Variants in AMBRA1 observed in about 807,000 individuals in gnomAD.
AMBRA1 encodes the protein activating molecule in BECN1-regulated autophagy protein 1.
AMBRA1 carries 47 observed loss-of-function variants against 125.4 expected under a neutral mutation model. The ratio of observed to expected loss-of-function variants is 0.37; its 90% CI spans 0.30 to 0.48. The LOEUF is 0.48. Among genes scored for constraint, AMBRA1 ranks in the 20% least tolerant of loss-of-function variants. The probability of loss-of-function intolerance (pLI) is 0.99; values close to 1 mark genes in which losing one functional copy is unlikely to be tolerated. For missense variants in AMBRA1, 1,331 were observed against 1,693.4 expected (o/e 0.79, Z 3.76); for synonymous variants, 626 against 655.5 (o/e 0.95, Z 0.69).
intron 5 of AMBRA1, among the ~76,000 whole-genome samples, chr11:46,544,966 A>T (rs1345790110): frequency 6.6e-6 from 1 of 151,904 alleles, no homozygotes; most frequent in African/African-American, 2.4e-5. Context: ...TCTCTACGAA[A>T]AAATTTAAAA....
chr11:46,542,765 C>G lies in AMBRA1; in HGVS notation c.1252G>C (p.Glu418Gln), dbSNP rs778644871. ...AGACTGAGTACTGTCCGGGTCCACT[C>G]AGATCCTGTCAACCCAGGAGCTATT... Reference protein sequence around the residue: ...REIAPGLTGSEWTRTVLSLNS... With the variant: ...REIAPGLTGSQWTRTVLSLNS... The change falls in exon 7 of 18, where the codon GAG (glutamate) becomes CAG (glutamine). Residue 418 changes from glutamate to glutamine, a missense_variant. Glu to Gln is a conservative substitution (Grantham distance 29). Coordinates refer to ENST00000683756, the MANE Select transcript of AMBRA1 (RefSeq NM_001387011.1). The surrounding 1 kb of genome is among the most constrained non-coding windows in gnomAD (Gnocchi z 5.9). The G allele has an allele frequency of 3.7e-6, 6 of 1,613,892 alleles. No individual in the cohort carries two copies. Among genetic ancestry groups the G allele is most frequent in the Non-Finnish European group, 5.1e-6 (6 of 1,180,012 alleles).
chr11:46,407,165 C>G (rs1410821769), intron 17 of AMBRA1, among the ~76,000 whole-genome samples: 1 of 152,178 alleles, frequency 6.6e-6, no homozygotes, highest in African/African-American at 2.4e-5. Context: ...GATCATGCCA[C>G]TGCACTCCAG....
Position 46,418,124 on chromosome 11 carries a change from C to G in AMBRA1, c.2977-72G>C, listed in dbSNP as rs1946633402. On this transcript the variant is annotated intron_variant, in intron 14 of 17. Transcript: ENST00000683756. ...ATTTGTTACCAAGAATAACAAAATC[C>G]AGGGAGAAACAAATTAGAAGGAGGA... is the stretch of plus-strand genomic sequence containing the variant. 2.1e-6 allele frequency: 3 copies of G among 1,405,890 alleles called. No homozygotes were observed. The South Asian group carries it at 4.8e-5, about 23-fold the overall frequency. 87.1% of individuals were successfully genotyped at this position (1,405,890 alleles called of 1,614,324 possible). A position where few individuals can be genotyped will look rare whatever the true frequency, so the allele number is the denominator to read the frequency against.
intron 1 of AMBRA1, among the ~76,000 whole-genome samples, chr11:46,549,884 T>G (rs1308204976): frequency 6.6e-6 from 1 of 152,144 alleles, no homozygotes; most frequent in African/African-American, 2.4e-5. Context: ...AACAGCGCAA[T>G]CTCGGCTCAC....
chr11:46,434,690 C>T (rs1175759365), intron 13 of AMBRA1, among the ~76,000 whole-genome samples, 159 bp downstream of exon 13: 1 of 152,174 alleles, frequency 6.6e-6, no homozygotes, highest in African/African-American at 2.4e-5. Context: ...ATGTTACTAG[C>T]CAGCACTCCT....
At chr11:46,457,117 C>T (rs756102364) in intron 11 of AMBRA1, among the ~76,000 whole-genome samples, 8 of 152,244 alleles carry the variant, frequency 5.3e-5, no homozygotes, top group Non-Finnish European at 8.8e-5. Flanking sequence ...TACAGCATTA[C>T]AGCTGAGTCA....
At chr11:46,456,928 A>G (rs991664785) in intron 11 of AMBRA1, among the ~76,000 whole-genome samples, 1 of 152,120 alleles carries the variant, frequency 6.6e-6, no homozygotes, top group Non-Finnish European at 1.5e-5. Flanking sequence ...CACTCAGCAC[A>G]TGACAAGAGA....
At position 46,410,282 on chromosome 11, in the gene AMBRA1, C is replaced by T. The variant is rs746864991; in HGVS notation, c.3203G>A (p.Arg1068Gln). The T allele has an allele frequency of 1.2e-5, 19 of 1,613,690 alleles. No homozygotes were observed. Among genetic ancestry groups the T allele is most frequent in the Admixed American group, 1.7e-5 (1 of 60,028 alleles). ...TVHSNSRSSE[R>Q]PGTSRATWRT... Reference sequence around the variant, plus strand: ...GCCTACTTCCCAAACATACCCAGGCCGCTCGCTGCTCCTGCTGTTGGAATG... The same window carrying T: ...GCCTACTTCCCAAACATACCCAGGCTGCTCGCTGCTCCTGCTGTTGGAATG... The change falls in exon 16 of 18, where the codon CGG becomes CAG. Residue 1068 changes from arginine (R) to glutamine (Q), a missense_variant. By Grantham distance (43) the Arg-to-Gln change is conservative (BLOSUM62 1). This residue lies in a region of AMBRA1 where 354 missense variants were observed against 532.7 expected (regional missense o/e 0.66). Coordinates refer to ENST00000683756, the MANE Select transcript of AMBRA1 (RefSeq NM_001387011.1).
chr11:46,570,117 C>G (rs2043702318), intron 1 of AMBRA1, among the ~76,000 whole-genome samples: 1 of 151,898 alleles, frequency 6.6e-6, no homozygotes, highest in East Asian at 1.9e-4. Flanking sequence ...AAAAAAATAG[C>G]TGGGCATGGT....
At chr11:46,527,204 C>G (rs61882743) in intron 7 of AMBRA1, among the ~76,000 whole-genome samples, 49,985 of 151,832 alleles carry the variant, frequency 0.33, 13,871 homozygotes, top group African/African-American at 0.76. Context: ...AGGAGGCCAG[C>G]AGCAGTTGCT....
At chr11:46,507,586 G>A (rs1056522935) in intron 9 of AMBRA1, among the ~76,000 whole-genome samples, 1 of 151,754 alleles carries the variant, frequency 6.6e-6, no homozygotes, top group Non-Finnish European at 1.5e-5. Context: ...ACTCAAAAAA[G>A]CCCAAAGAAG....
intron 14 of AMBRA1, among the ~76,000 whole-genome samples, chr11:46,427,846 T>C (rs1302218756): frequency 4.0e-5 from 6 of 151,668 alleles, no homozygotes; most frequent in African/African-American, 1.5e-4. Context: ...CTGTCTCTAC[T>C]AAAAATACAA....
chr11:46,584,268 C>T (rs1005751089), intron 1 of AMBRA1, among the ~76,000 whole-genome samples: 5 of 147,940 alleles, frequency 3.4e-5, no homozygotes, highest in African/African-American at 1.3e-4. Context: ...TAAACTATCA[C>T]AAGGACAAAA....
chr11:46,558,034 A>T (rs2043210224), intron 1 of AMBRA1, among the ~76,000 whole-genome samples: 1 of 152,144 alleles, frequency 6.6e-6, no homozygotes. Flanking sequence ...TCAAGATACC[A>T]AGCAAATGAG....
rs577993652 is a variant in AMBRA1 at position 46,502,992 on chromosome 11, C to T, written c.2339+5199G>A. Among the ~76,000 whole-genome samples the T allele has an allele frequency of 3.2e-3, 419 of 129,582 alleles. 2 individuals carry two copies. The highest frequency in any genetic ancestry group is 0.011 in the African/African-American group (387 of 34,308). The allele number at this position is 129,582 out of a possible 152,430, so 85.0% of individuals were successfully genotyped here. A position where few individuals can be genotyped will look rare whatever the true frequency, so the allele number is the denominator to read the frequency against. Reference sequence around the variant, plus strand: ...AGGAGAATGGCATGAACCTGGGAGGCGGAGCATGCAGTGAGCCGAGATTGT... The same window carrying T: ...AGGAGAATGGCATGAACCTGGGAGGTGGAGCATGCAGTGAGCCGAGATTGT... On this transcript the variant is annotated intron_variant, in intron 9 of 17. Coordinates refer to ENST00000683756, the MANE Select transcript of AMBRA1 (RefSeq NM_001387011.1).
chr11:46,463,681 A>T (rs1949197657), intron 11 of AMBRA1, among the ~76,000 whole-genome samples: 1 of 152,210 alleles, frequency 6.6e-6, no homozygotes, highest in Non-Finnish European at 1.5e-5. Context: ...ATTCCTAAAA[A>T]TCTTTTGTCT....
chr11:46,520,315 G>T (rs886417266), intron 7 of AMBRA1, among the ~76,000 whole-genome samples: 10 of 152,062 alleles, frequency 6.6e-5, no homozygotes, highest in African/African-American at 2.4e-4. Context: ...GGAGCCTCTA[G>T]CAAACACTGT....
chr11:46,434,111 G>A (rs1342067773), intron 13 of AMBRA1, among the ~76,000 whole-genome samples: 36 of 90,610 alleles, frequency 4.0e-4, no homozygotes, highest in African/African-American at 1.5e-3. Flanking sequence ...GTGAAACTCC[G>A]TCTCAAAAAA....
chr11:46,430,274 GT>G (rs1947388983), intron 14 of AMBRA1, among the ~76,000 whole-genome samples: 1 of 152,196 alleles, frequency 6.6e-6, no homozygotes, highest in African/African-American at 2.4e-5. Context: ...AAACACCACT[GT>G]GCCTGCAACA....
Sources: gnomAD v4.1 joint callset for allele counts (sites outside exome capture counted in the v4.1 genomes callset) on GRCh38, gnomAD v4.1.1 for gene constraint, gnomAD v4.1.1 regional missense constraint, Gnocchi (gnomAD v3.1) non-coding constraint, MANE v1.5 for transcripts, NCBI Gene and HGNC (gene_info 2026-07-23, HGNC 2026-07-21) for gene names.